PVT1: variants seen among roughly 807,000 people sequenced by gnomAD.
PVT1 encodes CXCR4/PVT1 fusion.
At chr8:128,089,921 GTTTTTTGTACCATAAACCCT>G (rs2130166195) in intron 5 of PVT1, among the ~76,000 whole-genome samples, 1 of 152,294 alleles carries the variant, frequency 6.6e-6, no homozygotes, top group South Asian at 2.1e-4. Flanking sequence ...TGCTTGGAAC[GTTTTTTGTACCATAAACCCT>G]TTTGGCAAAC....
chr8:127,817,417 AATAG>A (rs1247239443), intron 2 of PVT1, among the ~76,000 whole-genome samples: 2 of 105,798 alleles, frequency 1.9e-5, no homozygotes, highest in African/African-American at 4.0e-5. Flanking sequence ...TATATATTTA[AATAG>A]ATATATATAT....
At chr8:128,024,899 G>C (rs770698094) in intron 4 of PVT1, among the ~76,000 whole-genome samples, 1 of 152,178 alleles carries the variant, frequency 6.6e-6, no homozygotes, top group South Asian at 2.1e-4. Context: ...GTGGGGTCTC[G>C]CTATGTTGAC....
At chr8:128,065,158 C>G (rs984002572) in intron 4 of PVT1, among the ~76,000 whole-genome samples, 3 of 152,052 alleles carry the variant, frequency 2.0e-5, no homozygotes, top group African/African-American at 7.2e-5. Context: ...TGTGCAAGGG[C>G]TGGTTACATC....
chr8:127,809,029 CAAAAAAAAAAA>C (rs1158760672), intron 2 of PVT1, among the ~76,000 whole-genome samples: 3 of 28,286 alleles, frequency 1.1e-4, no homozygotes, highest in East Asian at 1.1e-3. Flanking sequence ...GATTCCATCT[CAAAAAAAAAAA>C]AAAAAAAAAA....
intron 4 of PVT1, among the ~76,000 whole-genome samples, chr8:128,053,971 A>G (rs1028940842): frequency 6.6e-6 from 1 of 152,230 alleles, no homozygotes; most frequent in Non-Finnish European, 1.5e-5. Flanking sequence ...ATTGACACAA[A>G]TTTGTAGGAA....
chr8:127,984,909 CTTT>C lies in PVT1; in HGVS notation n.783-4252_783-4250del, dbSNP rs1563657598. On this transcript the variant is annotated intron_variant and non_coding_transcript_variant, in intron 3 of 10. Transcript: ENST00000651587. ...TCTTTCTTTCTTTCTTTCTTTCTTT[CTTT>C]CTTTCTTTCTCTTTCTCTTTCTTTC... Among the ~76,000 whole-genome samples the C allele has an allele frequency of 3.2e-4, 29 of 89,874 alleles. 1 individual carries two copies. Among genetic ancestry groups the C allele is most frequent in the African/African-American group, 1.1e-3 (27 of 24,270 alleles). The allele number at this position is 89,874 out of a possible 152,430, so 59.0% of individuals were successfully genotyped here.
intron 4 of PVT1, among the ~76,000 whole-genome samples, chr8:128,007,123 A>G (rs1248481420): frequency 6.6e-6 from 1 of 152,234 alleles, no homozygotes; most frequent in Non-Finnish European, 1.5e-5. Context: ...TTCAGATTAA[A>G]AGAGACGAAG....
chr8:127,836,754 G>T (rs1290512556), intron 2 of PVT1, among the ~76,000 whole-genome samples: 2 of 152,162 alleles, frequency 1.3e-5, no homozygotes, highest in Non-Finnish European at 2.9e-5. Context: ...GAGGCACAGA[G>T]TATTACAATA....
chr8:127,852,701 G>C (rs1815117576), intron 2 of PVT1, among the ~76,000 whole-genome samples: 1 of 152,202 alleles, frequency 6.6e-6, no homozygotes, highest in South Asian at 2.1e-4. Flanking sequence ...CAATAAATGT[G>C]AGCTGATGTT....
chr8:127,914,746 C>G (rs1815959930), intron 3 of PVT1, among the ~76,000 whole-genome samples: 1 of 150,830 alleles, frequency 6.6e-6, no homozygotes, highest in Non-Finnish European at 1.5e-5. Flanking sequence ...ATTATATAGA[C>G]AGAAAGCAGA....
intron 3 of PVT1, among the ~76,000 whole-genome samples, chr8:127,984,897 CTTTCTTTCTTTCTTTCTT>C (rs1563657537): frequency 0.021 from 2,138 of 103,296 alleles, 165 homozygotes; most frequent in South Asian, 0.04. Flanking sequence ...TTCTTTCTTT[CTTTCTTTCTTTCTTTCTT>C]TCTTTCTCTT....
In PVT1 at chr8:127,835,347, C is replaced by T. The variant is rs137923418; in HGVS notation, n.372+39276C>T. ...CATTCTCAGCAAATTAACACAGGAA[C>T]GAAAAACCAAACACAGCATGTTCTC... is the stretch of plus-strand genomic sequence containing the variant. On this transcript the variant is annotated intron_variant and non_coding_transcript_variant, in intron 2 of 10. Transcript: ENST00000651587. 8.8e-3 allele frequency among the ~76,000 whole-genome samples: 1,335 copies of T among 150,960 alleles called. 12 individuals carry two copies. Among genetic ancestry groups the T allele is most frequent in the Non-Finnish European group, 0.011 (760 of 67,926 alleles).
At chr8:127,812,760 A>C (rs1311119288) in intron 2 of PVT1, among the ~76,000 whole-genome samples, 1 of 152,094 alleles carries the variant, frequency 6.6e-6, no homozygotes, top group Non-Finnish European at 1.5e-5. Flanking sequence ...ATCTTGACGA[A>C]AAAAGTCTCA....
rs188169585 is a variant in PVT1, at chr8:128,081,684, A to G, written n.1114+11323A>G. On this transcript the variant is annotated intron_variant and non_coding_transcript_variant, in intron 5 of 10. Coordinates refer to ENST00000651587, the Ensembl canonical transcript of PVT1. ...CTATCACTGCTCTTCTATGGCTTCC[A>G]TGGCACCGTGAGTATAATAGTTGCT... Among the ~76,000 whole-genome samples the G allele has an allele frequency of 2.6e-3, 402 of 152,268 alleles. 3 individuals are homozygous for G. The highest frequency in any genetic ancestry group is 9.1e-3 in the African/African-American group (376 of 41,532).
intron 3 of PVT1, chr8:127,946,579 A>G (rs1345506977): frequency 1.3e-5 from 2 of 153,142 alleles, no homozygotes; most frequent in African/African-American, 2.4e-5. Context: ...GCTCACATTT[A>G]TTGAGCACCT....
chr8:128,040,746 T>A (rs1813520399), intron 4 of PVT1, among the ~76,000 whole-genome samples: 1 of 151,908 alleles, frequency 6.6e-6, no homozygotes, highest in South Asian at 2.1e-4. Context: ...GTGTGAGTGC[T>A]TGTGTGTGTG....
intron 4 of PVT1, among the ~76,000 whole-genome samples, chr8:127,998,539 CT>C (rs1817133696): frequency 1.4e-5 from 2 of 143,240 alleles, no homozygotes; most frequent in Non-Finnish European, 3.1e-5. Context: ...CTTTCTTTCT[CT>C]CTCTCTCTCT....
At chr8:128,055,278 AC>A (rs2130111940) in intron 4 of PVT1, among the ~76,000 whole-genome samples, 1 of 152,278 alleles carries the variant, frequency 6.6e-6, no homozygotes, top group East Asian at 1.9e-4. Context: ...TATTTTAAAA[AC>A]CTTGGACATC....
chr8:127,889,038 T>TCC (rs745685972), intron 2 of PVT1, among the ~76,000 whole-genome samples: 17,594 of 48,602 alleles, frequency 0.36, 1,455 homozygotes, highest in African/African-American at 0.42. Context: ...CTCTCTTTCT[T>TCC]TCTTCCTTCC....
Sources: gnomAD v4.1 joint callset for allele counts (sites outside exome capture counted in the v4.1 genomes callset) on GRCh38, gnomAD v4.1.1 for gene constraint, MANE v1.5 for transcripts, NCBI Gene and HGNC (gene_info 2026-07-23, HGNC 2026-07-21) for gene names.